Variants in NKAIN2 observed in about 807,000 individuals in gnomAD.
NKAIN2 encodes sodium/potassium-transporting ATPase subunit beta-1-interacting protein 2.
A neutral mutation model predicts 32.6 loss-of-function variants in NKAIN2; 14 were observed. That is an observed-to-expected ratio of 0.43 (90% CI 0.28 to 0.67). The LOEUF (loss-of-function observed/expected upper bound fraction) is 0.67, where lower values mean the gene tolerates loss of function less well. NKAIN2 is among the 30% of genes least tolerant of loss of function. The pLI, the probability that NKAIN2 is intolerant of heterozygous loss-of-function variation, is 0.17. For synonymous variants in NKAIN2, 80 were observed against 87.2 expected, an observed-to-expected ratio of 0.92 and a Z score of 0.46; for missense variants, 198 against 258.3, an observed-to-expected ratio of 0.77 and a Z score of 1.60.
At chr6:124,343,281 A>C (rs373934779) in intron 2 of NKAIN2, among the ~76,000 whole-genome samples, 51 of 152,038 alleles carry the variant, frequency 3.4e-4, no homozygotes, top group Middle Eastern at 3.4e-3. Flanking sequence ...AATAGTGCCG[A>C]AATAAACATA....
chr6:123,870,658 G>T (rs1012678695), intron 1 of NKAIN2, among the ~76,000 whole-genome samples: 1 of 152,054 alleles, frequency 6.6e-6, no homozygotes, highest in Admixed American at 6.6e-5. Flanking sequence ...TTGTTATTTG[G>T]GAATTTAGAG....
At chr6:124,687,547 TAC>T (rs375805752) in intron 4 of NKAIN2, among the ~76,000 whole-genome samples, 2 of 646 alleles carry the variant, frequency 3.1e-3, no homozygotes, top group Non-Finnish European at 7.8e-3. Context: ...ATATATTCCA[TAC>T]ATATACATAC....
chr6:124,396,009 C>G (rs532539987), intron 3 of NKAIN2, among the ~76,000 whole-genome samples: 7 of 152,208 alleles, frequency 4.6e-5, no homozygotes, highest in South Asian at 2.1e-4. Flanking sequence ...ACAAAACATA[C>G]AAAACCTCTG....
At chr6:123,846,842 G>GCACA (rs1466367133) in intron 1 of NKAIN2, among the ~76,000 whole-genome samples, 1 of 66,882 alleles carries the variant, frequency 1.5e-5, no homozygotes, top group Non-Finnish European at 5.3e-5. Context: ...ACACGCACGC[G>GCACA]CGCACACACA....
intron 1 of NKAIN2, among the ~76,000 whole-genome samples, chr6:124,194,559 C>T (rs1367562011): frequency 2.0e-5 from 3 of 151,752 alleles, no homozygotes; most frequent in Non-Finnish European, 4.4e-5. Flanking sequence ...TTTTTTTCTT[C>T]TCTTGCCTAC....
At chr6:124,238,380 A>G (rs906608028) in intron 1 of NKAIN2, among the ~76,000 whole-genome samples, 4 of 152,188 alleles carry the variant, frequency 2.6e-5, no homozygotes, top group African/African-American at 4.8e-5. Flanking sequence ...AAACAAGGCT[A>G]AAATAGGTTG....
rs941247864 is a variant in NKAIN2, at chr6:123,964,652, C to T, written c.54+160398C>T. Among the ~76,000 whole-genome samples the T allele has an allele frequency of 1.3e-4, 20 of 152,094 alleles. No individual in the cohort carries two copies. The highest frequency in any genetic ancestry group is 1.3e-4 in the Non-Finnish European group (9 of 68,004). ...ATAATTTTTAAGAGAAAATGTCAAA[C>T]GGTTTTGGAGTGTTGCCCAGCCACT... On this transcript the variant is annotated intron_variant, in intron 1 of 6. Coordinates refer to ENST00000368417, the MANE Select transcript of NKAIN2 (RefSeq NM_001040214.3). This position sits in a 1 kb window ranked among gnomAD's most constrained non-coding sequence, Gnocchi z 4.0.
At chr6:124,207,614 A>G (rs1790961029) in intron 1 of NKAIN2, among the ~76,000 whole-genome samples, 1 of 151,786 alleles carries the variant, frequency 6.6e-6, no homozygotes, top group South Asian at 2.1e-4. Context: ...AGCTTGGCAC[A>G]TAACTGCTCA....
chr6:124,490,801 AT>A (rs1462586492), intron 3 of NKAIN2, among the ~76,000 whole-genome samples: 3 of 151,842 alleles, frequency 2.0e-5, no homozygotes, highest in African/African-American at 7.2e-5. Context: ...TTTTATGTTT[AT>A]CTTCCTGTAA....
intron 3 of NKAIN2, among the ~76,000 whole-genome samples, chr6:124,515,101 G>A (rs969646480): frequency 1.3e-5 from 2 of 152,114 alleles, no homozygotes; most frequent in East Asian, 3.9e-4. Context: ...ATTTCAGAGA[G>A]ACTGCAGGTC....
In NKAIN2 at chr6:124,408,391, A is replaced by G. The variant is rs556922848; in HGVS notation, c.273+53044A>G. Reference sequence around the variant, plus strand: ...TTTTTGTATGAGGTGTAAGGAAGGGATCCAGTTTCAGCTTTCTACACATGA... The same window carrying G: ...TTTTTGTATGAGGTGTAAGGAAGGGGTCCAGTTTCAGCTTTCTACACATGA... On this transcript the variant is annotated intron_variant, in intron 3 of 6. Coordinates refer to ENST00000368417, the MANE Select transcript of NKAIN2 (RefSeq NM_001040214.3). Among the ~76,000 whole-genome samples, 40 of 152,300 alleles carry G rather than the reference A, an allele frequency of 2.6e-4. 1 individual carries two copies. In the South Asian group the frequency reaches 7.9e-3, roughly 30 times the overall value.
chr6:124,752,758 G>GT (rs1363287685), intron 4 of NKAIN2, among the ~76,000 whole-genome samples: 3 of 152,038 alleles, frequency 2.0e-5, no homozygotes, highest in Non-Finnish European at 4.4e-5. Context: ...GTATATCTAA[G>GT]TATGCATCCA....
intron 4 of NKAIN2, among the ~76,000 whole-genome samples, chr6:124,713,067 A>AAAT (rs760505309): frequency 1.3e-4 from 20 of 152,034 alleles, no homozygotes; most frequent in Non-Finnish European, 2.5e-4. Flanking sequence ...TAAACATTTA[A>AAAT]AATAATAATA....
chr6:124,200,419 C>T (rs1445137851), intron 1 of NKAIN2, among the ~76,000 whole-genome samples: 1 of 152,092 alleles, frequency 6.6e-6, no homozygotes, highest in Non-Finnish European at 1.5e-5. Context: ...GTTTTGTTCG[C>T]TGTGAGTCCT....
intron 1 of NKAIN2, among the ~76,000 whole-genome samples, chr6:124,171,545 T>G (rs1234924663): frequency 2.0e-5 from 2 of 102,168 alleles, no homozygotes; most frequent in Admixed American, 1.4e-4. Flanking sequence ...AGGGCCGATT[T>G]GATTTTTTTT....
chr6:124,538,394 T>C (rs180755480), intron 3 of NKAIN2, among the ~76,000 whole-genome samples: 126 of 152,246 alleles, frequency 8.3e-4, no homozygotes, highest in African/African-American at 2.9e-3. Flanking sequence ...AGGTCACTTG[T>C]TGCACGTGAA....
At chr6:124,036,502 G>T (rs1403448273) in intron 1 of NKAIN2, among the ~76,000 whole-genome samples, 5 of 152,032 alleles carry the variant, frequency 3.3e-5, no homozygotes, top group Admixed American at 6.6e-5. Context: ...AGCCTAAGGG[G>T]ATAGTATCTT....
At chr6:124,027,624 G>A (rs183450389) in intron 1 of NKAIN2, among the ~76,000 whole-genome samples, 2 of 152,160 alleles carry the variant, frequency 1.3e-5, no homozygotes, top group Non-Finnish European at 2.9e-5. Flanking sequence ...TGATATCATC[G>A]TCAGCCAGTC....
Position 124,331,251 on chromosome 6 carries a change from C to G in NKAIN2, c.193-24016C>G, listed in dbSNP as rs376469436. ...GCACAGTGGCTCACGCCTATAATCC[C>G]AGCACTTTGGGAGGATGAGGCAGGC... On this transcript the variant is annotated intron_variant, in intron 2 of 6. Transcript: ENST00000368417. 6.3e-4 allele frequency among the ~76,000 whole-genome samples: 94 copies of G among 149,420 alleles called. 1 individual carries two copies. In the South Asian group the frequency reaches 0.019, roughly 30 times the overall value.
Sources: allele counts gnomAD v4.1 joint callset (sites outside exome capture counted in the v4.1 genomes callset), GRCh38; gene constraint gnomAD v4.1.1; non-coding constraint Gnocchi (gnomAD v3.1); transcripts MANE v1.5; gene names NCBI Gene and HGNC (gene_info 2026-07-23, HGNC 2026-07-21).